PTPRD: variants seen among roughly 807,000 people sequenced by gnomAD.
PTPRD encodes protein tyrosine phosphatase receptor type D.
Under a neutral mutation model 214.5 loss-of-function variants are expected in PTPRD, and 34 were observed. The ratio of observed to expected loss-of-function variants is 0.16; its 90% CI spans 0.12 to 0.21. The LOEUF (loss-of-function observed/expected upper bound fraction) is 0.21. PTPRD is among the 10% of genes least tolerant of loss of function. The pLI is 1.00. For missense variants in PTPRD, 2,545 were observed against 2,398.7 expected (o/e 1.06, Z -1.27); for synonymous variants, 1,128 against 845.7 (o/e 1.33, Z -5.79).
At chr9:8,419,537 G>A (rs1446162862) in intron 35 of PTPRD, among the ~76,000 whole-genome samples, 1 of 151,904 alleles carries the variant, frequency 6.6e-6, no homozygotes, top group Non-Finnish European at 1.5e-5. Flanking sequence ...CTACAAGATA[G>A]AGCCTCTTTT....
chr9:9,580,563 T>C (rs2090460311), intron 7 of PTPRD, among the ~76,000 whole-genome samples: 2 of 148,168 alleles, frequency 1.3e-5, no homozygotes, highest in Admixed American at 6.7e-5. Flanking sequence ...TTTTTTTTTT[T>C]TTTGAGACAG....
chr9:9,124,799 C>G (rs868676337), intron 10 of PTPRD, among the ~76,000 whole-genome samples: 4 of 152,128 alleles, frequency 2.6e-5, no homozygotes, highest in Non-Finnish European at 4.4e-5. Context: ...AGGAGGAAAA[C>G]CACAAAGAAG....
intron 5 of PTPRD, among the ~76,000 whole-genome samples, chr9:9,908,259 C>A (rs1341427573): frequency 6.6e-6 from 1 of 151,900 alleles, no homozygotes; most frequent in Admixed American, 6.6e-5. Flanking sequence ...CCTATGCTGG[C>A]AGTGATTGCT....
At position 8,518,342 on chromosome 9, in the gene PTPRD, G is replaced by A. The variant is rs2097823322; in HGVS notation, c.1049C>T (p.Pro350Leu). Residue 350 changes from proline (P) to leucine (L), a missense_variant, in exon 21 of 46, where the codon CCT (proline) becomes CTT (leucine). By Grantham distance (98) the Pro-to-Leu change is moderately conservative. Coordinates refer to ENST00000381196, the MANE Select transcript of PTPRD (RefSeq NM_002839.4). ...TLTWDSGNPE[P>L]VSYYIIQHKP... The stretch of plus-strand genomic sequence containing the variant: ...ATGCTGAATTATGTAATAAGAAACA[G>A]GCTCAGGGTTCCCAGAGTCCCACGT... 6.2e-7 allele frequency: 1 copy of A among 1,614,018 alleles called. No homozygotes were observed. Among genetic ancestry groups the A allele is most frequent in the Non-Finnish European group, 8.5e-7 (1 of 1,180,020 alleles).
chr9:10,081,134 C>T (rs1288452761), intron 3 of PTPRD, among the ~76,000 whole-genome samples: 3 of 151,924 alleles, frequency 2.0e-5, no homozygotes, highest in Non-Finnish European at 4.4e-5. Context: ...GATAAATAAG[C>T]ATGCTTCTAG....
intron 14 of PTPRD, among the ~76,000 whole-genome samples, chr9:8,550,150 G>A (rs527866009): frequency 9.9e-5 from 15 of 152,160 alleles, no homozygotes; most frequent in Non-Finnish European, 1.5e-5. Flanking sequence ...TATATTATTA[G>A]GAAAACAAAA....
chr9:9,936,273 C>T (rs1378343714), intron 5 of PTPRD, among the ~76,000 whole-genome samples: 3 of 151,004 alleles, frequency 2.0e-5, no homozygotes, highest in South Asian at 2.1e-4. Flanking sequence ...AAAGAAACTA[C>T]CATCAGAGTG....
intron 34 of PTPRD, chr9:8,437,131 A>C: frequency 8.6e-7 from 1 of 1,168,330 alleles, no homozygotes; most frequent in Non-Finnish European, 1.2e-6. Flanking sequence ...AGAAAGGCCT[A>C]AAAGGGAAAG....
At chr9:9,993,870 A>G (rs935415025) in intron 4 of PTPRD, among the ~76,000 whole-genome samples, 2 of 152,212 alleles carry the variant, frequency 1.3e-5, no homozygotes, top group African/African-American at 4.8e-5. Flanking sequence ...ACAGTGAATC[A>G]TGTTAACTGA....
intron 3 of PTPRD, among the ~76,000 whole-genome samples, chr9:10,240,209 T>G (rs548707649): frequency 6.6e-6 from 1 of 152,130 alleles, no homozygotes; most frequent in South Asian, 2.1e-4. Flanking sequence ...TCATATAACC[T>G]AAATAAAAAC....
intron 3 of PTPRD, among the ~76,000 whole-genome samples, chr9:10,039,324 T>C (rs2097253368): frequency 6.6e-6 from 1 of 151,968 alleles, no homozygotes; most frequent in Non-Finnish European, 1.5e-5. Context: ...GACTGAAAAA[T>C]CCCAATTGTC....
At chr9:9,401,684 A>T (rs541261923) in intron 8 of PTPRD, among the ~76,000 whole-genome samples, 2 of 151,448 alleles carry the variant, frequency 1.3e-5, no homozygotes, top group African/African-American at 4.8e-5. Context: ...CCGGAATCGC[A>T]TCTTGAATTG....
At chr9:8,773,947 C>T (rs2095348171) in intron 11 of PTPRD, among the ~76,000 whole-genome samples, 1 of 152,122 alleles carries the variant, frequency 6.6e-6, no homozygotes, top group Non-Finnish European at 1.5e-5. Flanking sequence ...TGACACACTT[C>T]CAGCTACCTT....
chr9:8,337,966 A>ATAAC (rs1444832243), intron 43 of PTPRD, among the ~76,000 whole-genome samples: 2 of 151,926 alleles, frequency 1.3e-5, no homozygotes, highest in Admixed American at 6.6e-5. Flanking sequence ...AATAGTTAAT[A>ATAAC]TAACTTTCTG....
chr9:8,564,927 G>C (rs1343167634), intron 14 of PTPRD, among the ~76,000 whole-genome samples: 2 of 152,112 alleles, frequency 1.3e-5, no homozygotes, highest in African/African-American at 2.4e-5. Context: ...GTGTTAAAAT[G>C]GAAAGAAATC....
intron 14 of PTPRD, among the ~76,000 whole-genome samples, chr9:8,599,613 C>CTTTTT (rs1172437057): frequency 1.9e-5 from 1 of 53,426 alleles, no homozygotes; most frequent in African/African-American, 7.0e-5. Flanking sequence ...CCCGCCCACC[C>CTTTTT]TTTTTTTTTT....
At chr9:9,386,756 G>T (rs573230587) in intron 9 of PTPRD, among the ~76,000 whole-genome samples, 4 of 151,974 alleles carry the variant, frequency 2.6e-5, no homozygotes, top group African/African-American at 9.6e-5. Flanking sequence ...CCTCTGGATG[G>T]GGAAAAAAAG....
At chr9:8,337,366 C>G (rs1847950237) in intron 43 of PTPRD, among the ~76,000 whole-genome samples, 1 of 151,940 alleles carries the variant, frequency 6.6e-6, no homozygotes, top group African/African-American at 2.4e-5. Flanking sequence ...GAACAGAAAA[C>G]CAAACACTGC....
At chr9:9,201,758 T>C (rs1237933148) in intron 9 of PTPRD, among the ~76,000 whole-genome samples, 1 of 152,210 alleles carries the variant, frequency 6.6e-6, no homozygotes, top group Non-Finnish European at 1.5e-5. Flanking sequence ...TTAATTTAAA[T>C]AAACTGATTA....
Sources: allele counts gnomAD v4.1 joint callset (sites outside exome capture counted in the v4.1 genomes callset), GRCh38; gene constraint gnomAD v4.1.1; transcripts MANE v1.5; gene names NCBI Gene and HGNC (gene_info 2026-07-23, HGNC 2026-07-21).